Variants in NOTCH2 observed in about 807,000 individuals in gnomAD.
The protein encoded by NOTCH2 is notch receptor 2.
Under a neutral mutation model 235.8 loss-of-function variants are expected in NOTCH2, and 29 were observed. That is an observed-to-expected ratio of 0.12 (90% CI 0.09 to 0.17). NOTCH2 has a LOEUF of 0.17. NOTCH2 is among the 10% of genes least tolerant of loss of function. The pLI, the probability that NOTCH2 is intolerant of heterozygous loss-of-function variation, is 1.00. For missense variants in NOTCH2, 2,285 were observed against 3,150.2 expected, an observed-to-expected ratio of 0.73 and a Z score of 6.57; for synonymous variants, 1,086 against 1,141.5, an observed-to-expected ratio of 0.95 and a Z score of 0.98.
intron 1 of NOTCH2, among the ~76,000 whole-genome samples, chr1:120,035,611 C>CT (rs1158688425): frequency 7.6e-6 from 1 of 131,506 alleles, no homozygotes; most frequent in East Asian, 2.4e-4. Flanking sequence ...CAGTTCACCT[C>CT]TTGCCTCACC....
intron 13 of NOTCH2, among the ~76,000 whole-genome samples, chr1:119,954,715 GA>G: frequency 6.6e-6 from 1 of 152,318 alleles, no homozygotes; most frequent in South Asian, 2.1e-4. Context: ...ACATTCTTCA[GA>G]AATCATTCCA....
chr1:120,026,927 C>A lies in NOTCH2; in HGVS notation c.155+2979G>T, dbSNP rs1406314521. On this transcript the variant is annotated intron_variant, in intron 2 of 33. Transcript: ENST00000256646. ...TCAACAATTAACAAGTAGCCAGGGA[C>A]AGAATTTAGGCAGCTCCATTTTCTT... 6.5e-5 allele frequency among the ~76,000 whole-genome samples: 8 copies of A among 122,544 alleles called. No individual in the cohort carries two copies. The South Asian group carries it at 1.9e-3, about 29-fold the overall frequency. The allele number at this position is 122,544 out of a possible 152,430, so 80.4% of individuals were successfully genotyped here.
At chr1:120,031,199 C>T (rs1164910353) in intron 1 of NOTCH2, among the ~76,000 whole-genome samples, 1 of 140,560 alleles carries the variant, frequency 7.1e-6, no homozygotes, top group Non-Finnish European at 1.5e-5. Context: ...CAGGTGCAAG[C>T]TGGATGTCAG....
At chr1:120,064,751 C>CAA (rs200720209) in intron 1 of NOTCH2, among the ~76,000 whole-genome samples, 8 of 84,080 alleles carry the variant, frequency 9.5e-5, no homozygotes, top group African/African-American at 3.6e-4. Flanking sequence ...TCTCTTGGTT[C>CAA]AAAAAAAAAA....
At position 119,979,630 on chromosome 1, in the gene NOTCH2, ATGT is replaced by A. The variant is rs1424086731; in HGVS notation, c.874+7327_874+7329del. ...GAAAATAAGGAACTCAGAAATGAAA[ATGT>A]TGTGACATAATTGCACTGGTAGTTA... On this transcript the variant is annotated intron_variant, in intron 5 of 33. Coordinates refer to ENST00000256646, the MANE Select transcript of NOTCH2 (RefSeq NM_024408.4). Among the ~76,000 whole-genome samples, 4 of 152,352 alleles carry A rather than the reference ATGT, an allele frequency of 2.6e-5. No homozygotes were observed. In the East Asian group the frequency reaches 7.7e-4, roughly 29 times the overall value.
rs587608956 is a variant in NOTCH2, at chr1:120,004,995, C to T, written c.415+334G>A. 1.1e-4 allele frequency among the ~76,000 whole-genome samples: 16 copies of T among 152,246 alleles called. No homozygotes were observed. The East Asian group carries it at 3.1e-3, about 29-fold the overall frequency. On this transcript the variant is annotated intron_variant, in intron 3 of 33. Coordinates refer to ENST00000256646, the MANE Select transcript of NOTCH2 (RefSeq NM_024408.4). ...TAGAGATGGGGTCTTGCTGTGTTTC[C>T]CAGGCTGGTCTCAAACCTCTAGCCT...
chr1:119,988,114 C>T (rs2101187480), intron 4 of NOTCH2, among the ~76,000 whole-genome samples: 1 of 152,274 alleles, frequency 6.6e-6, no homozygotes, highest in South Asian at 2.1e-4. Context: ...CTTACTGGGA[C>T]TTACATTAGG....
chr1:119,965,532 A>T lies in NOTCH2; in HGVS notation c.1602T>A (p.Asp534Glu). The part of the protein sequence containing the change: ...FTGPVCQIDI[D>E]DCSSTPCLNG... Reference sequence around the variant, plus strand: ...TCAGACACGGAGTACTGGAACAGTCATCAATATCAATCTGGCAAACTGGCC... The same window carrying T: ...TCAGACACGGAGTACTGGAACAGTCTTCAATATCAATCTGGCAAACTGGCC... Residue 534 changes from aspartate to glutamate, a missense_variant, in exon 10 of 34, where the codon GAT (aspartate) becomes GAA (glutamate). Physicochemically the swap from Asp to Glu is conservative, Grantham distance 45. This residue lies in a region of NOTCH2 where 431 missense variants were observed against 757.8 expected (regional missense o/e 0.57). Coordinates refer to ENST00000256646, the MANE Select transcript of NOTCH2 (RefSeq NM_024408.4). 1 of 1,614,070 alleles carries T rather than the reference A, an allele frequency of 6.2e-7. No individual in the cohort carries two copies. The highest frequency in any genetic ancestry group is 1.1e-5 in the South Asian group (1 of 91,084).
intron 28 of NOTCH2, among the ~76,000 whole-genome samples, 181 bp from the exon 29 acceptor site, chr1:119,921,990 T>C (rs920460680): frequency 1.3e-5 from 2 of 152,114 alleles, no homozygotes; most frequent in African/African-American, 2.4e-5. Flanking sequence ...TCCCTTCCCA[T>C]TGATCGTGAG....
intron 11 of NOTCH2, among the ~76,000 whole-genome samples, chr1:119,962,408 G>C (rs1553199100): frequency 6.6e-6 from 1 of 152,180 alleles, no homozygotes; most frequent in African/African-American, 2.4e-5. Flanking sequence ...ATTGCTTTTG[G>C]AAGTTTTCAC....
intron 1 of NOTCH2, among the ~76,000 whole-genome samples, chr1:120,045,430 G>T: frequency 8.2e-6 from 1 of 121,344 alleles, no homozygotes; most frequent in Non-Finnish European, 1.6e-5. Context: ...CTACTGCTCT[G>T]TCATTTCTAG....
intron 8 of NOTCH2, 72 bp from the exon 9 acceptor site, chr1:119,966,561 TG>T: frequency 9.6e-7 from 1 of 1,036,332 alleles, no homozygotes; most frequent in Non-Finnish European, 1.5e-6. Flanking sequence ...AGCACAAATT[TG>T]CAATGATAAC....
chr1:120,039,049 C>T (rs1337598605), intron 1 of NOTCH2, among the ~76,000 whole-genome samples: 15 of 151,440 alleles, frequency 9.9e-5, no homozygotes, highest in African/African-American at 3.4e-4. Context: ...TATTATCTTC[C>T]CCATGAGTAG....
At position 119,965,588 on chromosome 1, in the gene NOTCH2, C is replaced by T. The variant is rs1431470462; in HGVS notation, c.1568-22G>A. 6.8e-6 allele frequency: 10 copies of T among 1,480,912 alleles called. No individual in the cohort carries two copies. The African/African-American group carries it at 1.2e-4, about 18-fold the overall frequency. 91.7% of individuals were successfully genotyped at this position (1,480,912 alleles called of 1,614,324 possible). A position where few individuals can be genotyped will look rare whatever the true frequency, so the allele number is the denominator to read the frequency against. On this transcript the variant is annotated intron_variant, in intron 9 of 33. Transcript: ENST00000256646. Reference sequence around the variant, plus strand: ...AAACCTCAAAAAGGGACAGTGGTAACATGAGTCAAAGGATTATCTTGTGTC... The same window carrying T: ...AAACCTCAAAAAGGGACAGTGGTAATATGAGTCAAAGGATTATCTTGTGTC...
At chr1:119,973,446 A>C (rs782414438) in intron 5 of NOTCH2, among the ~76,000 whole-genome samples, 2 of 152,314 alleles carry the variant, frequency 1.3e-5, no homozygotes, top group South Asian at 2.1e-4. Flanking sequence ...AGGTTCAGGA[A>C]GGTAAAAAAA....
chr1:119,951,739 G>C (rs1302796066), intron 14 of NOTCH2, among the ~76,000 whole-genome samples: 1 of 152,210 alleles, frequency 6.6e-6, no homozygotes, highest in African/African-American at 2.4e-5. Context: ...ATAGGGCCTG[G>C]CACAGAGCCT....
intron 5 of NOTCH2, among the ~76,000 whole-genome samples, chr1:119,971,199 G>A (rs1651346734): frequency 6.6e-6 from 1 of 152,126 alleles, no homozygotes; most frequent in African/African-American, 2.4e-5. Context: ...CCCACTACTT[G>A]GCTGCAGTTT....
chr1:119,966,631 G>A (rs1651147944), intron 8 of NOTCH2, 142 bp from the exon 9 acceptor site: 1 of 703,726 alleles, frequency 1.4e-6, no homozygotes, highest in East Asian at 2.7e-5. Flanking sequence ...GCCATGATGA[G>A]AAATAGTCAC....
chr1:119,953,717 G>T, intron 13 of NOTCH2, 29 bp from the exon 14 acceptor site: 1 of 1,605,822 alleles, frequency 6.2e-7, no homozygotes, highest in Non-Finnish European at 8.5e-7. Context: ...TTTTACTATA[G>T]GAGGTATAAA....
Sources: allele counts gnomAD v4.1 joint callset (sites outside exome capture counted in the v4.1 genomes callset), GRCh38; gene constraint gnomAD v4.1.1; regional missense constraint gnomAD v4.1.1; transcripts MANE v1.5; gene names NCBI Gene and HGNC (gene_info 2026-07-23, HGNC 2026-07-21).